The following CDK6 variants were observed in gnomAD, a reference collection of about 807,000 sequenced individuals.
The protein encoded by CDK6 is cyclin dependent kinase 6, also known as cyclin-dependent kinase 6.
Under a neutral mutation model 37.1 loss-of-function variants are expected in CDK6, and 6 were observed. That is an observed-to-expected ratio of 0.16 (90% CI 0.09 to 0.32). The LOEUF is 0.32. Among genes scored for constraint, CDK6 ranks in the 10% least tolerant of loss-of-function variants. The pLI is 1.00. For missense variants in CDK6, 224 were observed against 418.9 expected (o/e 0.53, Z 4.06); for synonymous variants, 160 against 161.3 (o/e 0.99, Z 0.06).
chr7:92,740,955 A>T (rs765864203), intron 3 of CDK6, among the ~76,000 whole-genome samples: 1 of 152,230 alleles, frequency 6.6e-6, no homozygotes, highest in Non-Finnish European at 1.5e-5. Flanking sequence ...TGCTTTAAAA[A>T]TATGCTACAA....
intron 4 of CDK6, among the ~76,000 whole-genome samples, chr7:92,716,023 C>T (rs891519078): frequency 5.3e-5 from 8 of 152,182 alleles, no homozygotes; most frequent in African/African-American, 1.7e-4. Context: ...GCTGCCCAGA[C>T]ACACATTCAA....
In CDK6 at chr7:92,605,042, GTTT is replaced by G. The variant is rs977108807; in HGVS notation, c.*10095_*10097del. 1.3e-4 allele frequency: 29 copies of G among 230,514 alleles called. No individual in the cohort carries two copies. Among genetic ancestry groups the G allele is most frequent in the African/African-American group, 6.2e-4 (28 of 45,266 alleles). The allele number at this position is 230,514 out of a possible 1,614,324, so 14.3% of individuals were successfully genotyped here. On this transcript the variant is annotated 3_prime_UTR_variant, in exon 8 of 8. Transcript: ENST00000424848. ...CTCCAGAAAGCAGTTTAAAGTTATT[GTTT>G]TTATTATTTTTATTTGCTACCAATA...
At chr7:92,767,386 T>C (rs1799609278) in intron 3 of CDK6, among the ~76,000 whole-genome samples, 2 of 152,188 alleles carry the variant, frequency 1.3e-5, no homozygotes, top group Admixed American at 6.5e-5. Context: ...ATGTTCCTGA[T>C]TGGAGCAGAG....
intron 2 of CDK6, among the ~76,000 whole-genome samples, chr7:92,808,312 T>C (rs1418527087): frequency 6.6e-6 from 1 of 152,216 alleles, no homozygotes; most frequent in African/African-American, 2.4e-5. Flanking sequence ...CAGATTTCTA[T>C]AGCAGCATCT....
At chr7:92,719,479 G>T (rs1221410937) in intron 4 of CDK6, among the ~76,000 whole-genome samples, 1 of 152,104 alleles carries the variant, frequency 6.6e-6, no homozygotes, top group African/African-American at 2.4e-5. Context: ...GGAATAAAGG[G>T]TGTTTTCAGA....
At chr7:92,650,357 C>T (rs564164589) in intron 5 of CDK6, among the ~76,000 whole-genome samples, 4 of 152,226 alleles carry the variant, frequency 2.6e-5, no homozygotes, top group East Asian at 1.9e-4. Context: ...AGCCAGAGCG[C>T]GACAACAGGC....
At chr7:92,690,174 A>C (rs11533994) in intron 4 of CDK6, among the ~76,000 whole-genome samples, 33,155 of 151,808 alleles carry the variant, frequency 0.22, 5,147 homozygotes, top group East Asian at 0.49. Flanking sequence ...TTGCTTTTGG[A>C]GTCTTTGTCA....
At chr7:92,823,350 G>A (rs1801222697) in intron 2 of CDK6, among the ~76,000 whole-genome samples, 2 of 143,172 alleles carry the variant, frequency 1.4e-5, no homozygotes, top group South Asian at 4.4e-4. Context: ...TAATCAGCTA[G>A]AAGTTAAATA....
intron 3 of CDK6, among the ~76,000 whole-genome samples, chr7:92,758,388 G>T (rs977896232): frequency 6.6e-6 from 1 of 152,176 alleles, no homozygotes; most frequent in African/African-American, 2.4e-5. Context: ...ACTGAATAGA[G>T]AATCTTTTCC....
intron 3 of CDK6, among the ~76,000 whole-genome samples, chr7:92,771,233 A>G (rs184924756): frequency 6.7e-6 from 1 of 150,182 alleles, no homozygotes; most frequent in Non-Finnish European, 1.5e-5. Context: ...TCAAAAAAAA[A>G]AAATAAATAA....
intron 2 of CDK6, among the ~76,000 whole-genome samples, chr7:92,809,062 C>T (rs1474052605): frequency 1.3e-5 from 2 of 152,104 alleles, no homozygotes; most frequent in Non-Finnish European, 2.9e-5. Flanking sequence ...TTTTGCTATA[C>T]TATAGCTATT....
chr7:92,778,580 C>A (rs1024684991), intron 2 of CDK6, among the ~76,000 whole-genome samples: 1 of 152,058 alleles, frequency 6.6e-6, no homozygotes, highest in African/African-American at 2.4e-5. Flanking sequence ...CTTTTTTAAG[C>A]CAGCTTATTG....
chr7:92,653,784 G>A (rs6954290), intron 5 of CDK6, among the ~76,000 whole-genome samples: 1 of 151,450 alleles, frequency 6.6e-6, no homozygotes, highest in East Asian at 1.9e-4. Context: ...TTCTCTTTTC[G>A]TATTTAGAGA....
intron 5 of CDK6, among the ~76,000 whole-genome samples, chr7:92,653,214 C>T (rs773985881): frequency 3.1e-4 from 47 of 152,218 alleles, no homozygotes; most frequent in Admixed American, 9.2e-4. Context: ...TCCCCTTTCA[C>T]CTTGTAGCAC....
At chr7:92,622,236 T>C (rs1795819907) in intron 6 of CDK6, among the ~76,000 whole-genome samples, 1 of 152,172 alleles carries the variant, frequency 6.6e-6, no homozygotes, top group Non-Finnish European at 1.5e-5. Flanking sequence ...GAAACATGAA[T>C]GCATACATGC....
intron 3 of CDK6, among the ~76,000 whole-genome samples, chr7:92,743,511 T>C (rs941733027): frequency 1.3e-5 from 2 of 151,774 alleles, no homozygotes; most frequent in Admixed American, 1.3e-4. Flanking sequence ...TCAACTAAAT[T>C]AGAAAAAGAC....
chr7:92,708,552 T>C (rs1798016429), intron 4 of CDK6, among the ~76,000 whole-genome samples: 3 of 152,172 alleles, frequency 2.0e-5, no homozygotes, highest in Admixed American at 6.5e-5. Context: ...AACAGAAAGA[T>C]AGGTGGCTAA....
At chr7:92,703,806 A>G (rs761274897) in intron 4 of CDK6, among the ~76,000 whole-genome samples, 2 of 152,232 alleles carry the variant, frequency 1.3e-5, no homozygotes, top group Non-Finnish European at 2.9e-5. Flanking sequence ...TATGATCCCT[A>G]TGTTTATCAG....
chr7:92,673,779 T>C (rs1273338550), intron 4 of CDK6, among the ~76,000 whole-genome samples: 2 of 146,956 alleles, frequency 1.4e-5, no homozygotes, highest in Admixed American at 6.8e-5. Flanking sequence ...TGTTCCTTCC[T>C]TTTTTTTTTT....
Sources: allele counts gnomAD v4.1 joint callset (sites outside exome capture counted in the v4.1 genomes callset), GRCh38; gene constraint gnomAD v4.1.1; transcripts MANE v1.5; gene names NCBI Gene and HGNC (gene_info 2026-07-23, HGNC 2026-07-21).